Variants in IKBKB observed in about 807,000 individuals in gnomAD.
IKBKB encodes inhibitor of nuclear factor kappa B kinase subunit beta, also known as inhibitor of nuclear factor kappa-B kinase subunit beta.
Under a neutral mutation model 113.6 loss-of-function variants are expected in IKBKB, and 42 were observed. The observed-to-expected ratio is 0.37, with a 90% CI of 0.29 to 0.48. The LOEUF (loss-of-function observed/expected upper bound fraction) is 0.48, where lower values mean the gene tolerates loss of function less well. IKBKB is among the 20% of genes least tolerant of loss of function. The probability of loss-of-function intolerance (pLI) is 0.99; values close to 1 mark genes in which losing one functional copy is unlikely to be tolerated. For synonymous variants in IKBKB, 296 were observed against 361.3 expected, an observed-to-expected ratio of 0.82 and a Z score of 2.05; for missense variants, 673 against 939.7, an observed-to-expected ratio of 0.72 and a Z score of 3.71.
chr8:42,299,642 A>G (rs1005325519), intron 5 of IKBKB, among the ~76,000 whole-genome samples: 2 of 151,850 alleles, frequency 1.3e-5, no homozygotes, highest in African/African-American at 4.8e-5. Context: ...CCACCTGCCA[A>G]CCTCTGCACG....
rs202131707 is a variant in IKBKB, at chr8:42,320,740, C to T, written c.1584C>T (p.Asn528=). 3.7e-5 allele frequency: 60 copies of T among 1,612,340 alleles called. No homozygotes were observed. Among genetic ancestry groups the T allele is most frequent in the Admixed American group, 3.2e-4 (19 of 59,938 alleles). ...EQAVELCGRE[N]EVKLLVERMM... is the part of the protein sequence containing the mutation. ...TAGCACAGCTTTTCCATTAGGAGAA[C>T]GAAGTGAAACTCCTGGTAGAACGGA... Residue 528 remains asparagine, a synonymous_variant, in exon 16 of 22, where the codon AAC becomes AAT. Coordinates refer to ENST00000520810, the MANE Select transcript of IKBKB (RefSeq NM_001556.3).
At position 42,277,867 on chromosome 8, in the gene IKBKB, C is replaced by T. The variant is rs542473368; in HGVS notation, c.105+5662C>T. 3.9e-4 allele frequency among the ~76,000 whole-genome samples: 60 copies of T among 152,264 alleles called. 2 individuals are homozygous for T. In the Middle Eastern group the frequency reaches 0.01, roughly 26 times the overall value. On this transcript the variant is annotated intron_variant, in intron 2 of 21. Coordinates refer to ENST00000520810, the MANE Select transcript of IKBKB (RefSeq NM_001556.3). ...CAGTTCTCCTGTAGCAAGTGCCTGACGTTGTATATGTGCTAGGTGCCCCAA... is the reference window on the plus strand; with the variant it reads ...CAGTTCTCCTGTAGCAAGTGCCTGATGTTGTATATGTGCTAGGTGCCCCAA...
At chr8:42,272,281 G>C (rs775031028) in intron 2 of IKBKB, 76 bp downstream of exon 2, 35 of 1,598,216 alleles carry the variant, frequency 2.2e-5, no homozygotes, top group African/African-American at 2.0e-4. Flanking sequence ...CTCTGATCCT[G>C]CTGGGCCAAG....
chr8:42,298,032 T>G, intron 5 of IKBKB: 2 of 938,846 alleles, frequency 2.1e-6, no homozygotes, highest in South Asian at 4.9e-5. Flanking sequence ...CAGCTGGAAA[T>G]GATATGGACT....
intron 19 of IKBKB, chr8:42,325,407 G>T (rs567071488): frequency 1.2e-5 from 12 of 986,152 alleles, no homozygotes; most frequent in Non-Finnish European, 1.4e-5. Flanking sequence ...TCATTAAGGG[G>T]CTGGATGCAG....
intron 7 of IKBKB, among the ~76,000 whole-genome samples, chr8:42,306,997 GA>G (rs771811028): frequency 6.6e-6 from 1 of 152,198 alleles, no homozygotes; most frequent in African/African-American, 2.4e-5. Context: ...ATGCAGTGGG[GA>G]AAAAAGACAA....
At chr8:42,277,480 G>A (rs925569273) in intron 2 of IKBKB, among the ~76,000 whole-genome samples, 4 of 152,018 alleles carry the variant, frequency 2.6e-5, no homozygotes, top group South Asian at 2.1e-4. Context: ...ACTAACAGGC[G>A]CCTGGCCTGT....
chr8:42,274,231 T>C (rs1192905225), intron 2 of IKBKB, among the ~76,000 whole-genome samples: 3 of 152,114 alleles, frequency 2.0e-5, no homozygotes, highest in Admixed American at 6.6e-5. Context: ...GGTTTCACCA[T>C]GTAGGCCATG....
intron 2 of IKBKB, among the ~76,000 whole-genome samples, chr8:42,274,524 T>TTTGTTG (rs151240252): frequency 7.0e-6 from 1 of 142,942 alleles, no homozygotes; most frequent in Non-Finnish European, 1.5e-5. Context: ...GCGAGATTAG[T>TTTGTTG]TTGTTGTTGT....
In IKBKB at chr8:42,316,130, T is replaced by A. The variant is rs1275829132; in HGVS notation, c.801-80T>A. 3 of 1,487,974 alleles carry A rather than the reference T, an allele frequency of 2.0e-6. No homozygotes were observed. The highest frequency in any genetic ancestry group is 2.8e-6 in the Non-Finnish European group (3 of 1,088,812). 92.2% of individuals were successfully genotyped at this position (1,487,974 alleles called of 1,614,324 possible). A position where few individuals can be genotyped will look rare whatever the true frequency, so the allele number is the denominator to read the frequency against. ...CAATCACCGTCTACTGGCTGCCGTC[T>A]GTGTGTATACTGGGAGACGCACACT... On this transcript the variant is annotated intron_variant, in intron 9 of 21. Transcript: ENST00000520810. This position sits in a 1 kb window ranked among gnomAD's most constrained non-coding sequence, Gnocchi z 4.5.
intron 2 of IKBKB, among the ~76,000 whole-genome samples, chr8:42,278,868 C>T (rs1809738274): frequency 6.6e-6 from 1 of 152,154 alleles, no homozygotes; most frequent in Non-Finnish European, 1.5e-5. Flanking sequence ...GTGGCGCATG[C>T]CTGTAATACC....
intron 5 of IKBKB, among the ~76,000 whole-genome samples, chr8:42,296,513 G>A (rs938923088): frequency 1.3e-5 from 2 of 152,184 alleles, no homozygotes; most frequent in Admixed American, 6.5e-5. Context: ...TTAGCCAGGT[G>A]TGGGGCATGC....
Position 42,318,690 on chromosome 8 carries a change from T to A in IKBKB, c.1364+15T>A. The A allele has an allele frequency of 6.6e-7, 1 of 1,505,674 alleles. No homozygotes were observed. Among genetic ancestry groups the A allele is most frequent in the Non-Finnish European group, 9.0e-7 (1 of 1,115,268 alleles). 93.3% of individuals were successfully genotyped at this position (1,505,674 alleles called of 1,614,324 possible). ...CGAGCCGCCATGTAGCGTGCCAGGC[T>A]TTTTTTTTAAACTTAATTTATTTAA... On this transcript the variant is annotated intron_variant, in intron 13 of 21. Coordinates refer to ENST00000520810, the MANE Select transcript of IKBKB (RefSeq NM_001556.3).
Position 42,316,643 on chromosome 8 carries a change from C to T in IKBKB, c.931-67C>T, listed in dbSNP as rs1018299420. ...ATGTTGGGAGTAGCAGAGAGAGGAC[C>T]TAGGCAAATAGATGGGCATTTCCTT... is the stretch of plus-strand genomic sequence containing the variant. On this transcript the variant is annotated intron_variant, in intron 10 of 21. Transcript: ENST00000520810. The surrounding 1 kb of genome is among the most constrained non-coding windows in gnomAD (Gnocchi z 4.5). 1.4e-6 allele frequency: 2 copies of T among 1,450,942 alleles called. No individual in the cohort carries two copies. 89.9% of individuals were successfully genotyped at this position (1,450,942 alleles called of 1,614,324 possible). A position where few individuals can be genotyped will look rare whatever the true frequency, so the allele number is the denominator to read the frequency against.
Position 42,330,966 on chromosome 8 carries a change from A to G in IKBKB, c.2258A>G (p.Glu753Gly), listed in dbSNP as rs1212314329. The G allele has an allele frequency of 1.9e-6, 3 of 1,613,986 alleles. No individual in the cohort carries two copies. The highest frequency in any genetic ancestry group is 2.2e-5 in the East Asian group (1 of 44,886). Reference sequence around the variant, plus strand: ...GAAGAAGAAGAGCACAGCTGCCTGGAGCAGGCCTCATGATGTGGGGGGACT... The same window carrying G: ...GAAGAAGAAGAGCACAGCTGCCTGGGGCAGGCCTCATGATGTGGGGGGACT... ...QTEEEEHSCLEQAS is the reference protein window; with the variant it reads ...QTEEEEHSCLGQAS The change falls in exon 22 of 22, where the codon GAG becomes GGG. Residue 753 changes from glutamate (E) to glycine (G), a missense_variant. Coordinates refer to ENST00000520810, the MANE Select transcript of IKBKB (RefSeq NM_001556.3).
At chr8:42,328,247 C>A (rs1181005245) in intron 20 of IKBKB, among the ~76,000 whole-genome samples, 2 of 132,502 alleles carry the variant, frequency 1.5e-5, no homozygotes, top group East Asian at 4.4e-4. Context: ...GCACCCGGCC[C>A]TTTTTTTTTT....
chr8:42,297,281 C>G (rs1215219996), intron 5 of IKBKB, among the ~76,000 whole-genome samples: 1 of 152,196 alleles, frequency 6.6e-6, no homozygotes, highest in Non-Finnish European at 1.5e-5. Flanking sequence ...TCTAACATAG[C>G]TCTTTTGTAT....
intron 13 of IKBKB, 80 bp downstream of exon 13, chr8:42,318,755 C>T: frequency 7.2e-7 from 1 of 1,380,744 alleles, no homozygotes; most frequent in Non-Finnish European, 9.8e-7. Context: ...GTGGTTGAGG[C>T]AGGGACCCAG....
intron 19 of IKBKB, among the ~76,000 whole-genome samples, chr8:42,323,255 CCTT>C (rs538701959): frequency 4.9e-4 from 74 of 152,374 alleles, no homozygotes; most frequent in East Asian, 1.5e-3. Context: ...GTGGGCATAT[CCTT>C]CTTAGGGCCA....
Sources: gnomAD v4.1 joint callset for allele counts (sites outside exome capture counted in the v4.1 genomes callset) on GRCh38, gnomAD v4.1.1 for gene constraint, Gnocchi (gnomAD v3.1) non-coding constraint, MANE v1.5 for transcripts, NCBI Gene and HGNC (gene_info 2026-07-23, HGNC 2026-07-21) for gene names.